CCDC141: variants seen among roughly 807,000 people sequenced by gnomAD.
The protein encoded by CCDC141 is coiled-coil domain containing 141, also known as coiled-coil domain-containing protein 141.
In CCDC141, 168 loss-of-function variants were observed where a neutral mutation model predicts 181.0. The ratio of observed to expected loss-of-function variants is 0.93; its 90% CI spans 0.82 to 1.05. CCDC141 has a LOEUF of 1.05. CCDC141 is among the 50% of genes least tolerant of loss of function. CCDC141 has a pLI of 0.00. For synonymous variants in CCDC141, 666 were observed against 642.3 expected (o/e 1.04, Z -0.56); for missense variants, 1,902 against 1,788.5 (o/e 1.06, Z -1.14).
intron 19 of CCDC141, among the ~76,000 whole-genome samples, chr2:178,854,285 G>C (rs1361333249): frequency 6.6e-6 from 1 of 152,202 alleles, no homozygotes; most frequent in Non-Finnish European, 1.5e-5. Context: ...AGCACTTTGG[G>C]AGGCCGAGGC....
chr2:178,934,821 A>G (rs1428304868), intron 6 of CCDC141, among the ~76,000 whole-genome samples: 2 of 152,182 alleles, frequency 1.3e-5, no homozygotes, highest in African/African-American at 2.4e-5. Flanking sequence ...CACATTATTT[A>G]TAGGAGCTTC....
intron 5 of CCDC141, among the ~76,000 whole-genome samples, chr2:178,945,467 A>G (rs1038275936): frequency 1.3e-5 from 2 of 152,130 alleles, no homozygotes; most frequent in Non-Finnish European, 1.5e-5. Context: ...AGATGCGGTA[A>G]CTGAGTTTTG....
At chr2:178,959,162 A>G (rs897817696) in intron 5 of CCDC141, among the ~76,000 whole-genome samples, 2 of 150,214 alleles carry the variant, frequency 1.3e-5, no homozygotes, top group Non-Finnish European at 3.0e-5. Context: ...GGAAGGGGGG[A>G]GGGATAGCAT....
At chr2:178,841,631 A>T (rs1419113299) in intron 22 of CCDC141, among the ~76,000 whole-genome samples, 1 of 152,196 alleles carries the variant, frequency 6.6e-6, no homozygotes, top group Non-Finnish European at 1.5e-5. Flanking sequence ...TTATGGAAAC[A>T]TTATTTTATT....
chr2:178,842,123 T>C (rs1251646576), intron 22 of CCDC141, among the ~76,000 whole-genome samples: 5 of 152,226 alleles, frequency 3.3e-5, no homozygotes, highest in Non-Finnish European at 5.9e-5. Context: ...AATAAATTTA[T>C]GGTTTTCAGT....
chr2:178,863,402 CTAATTT>C (rs1398638969), intron 17 of CCDC141, among the ~76,000 whole-genome samples: 1 of 152,144 alleles, frequency 6.6e-6, no homozygotes, highest in Non-Finnish European at 1.5e-5. Flanking sequence ...GGCATGTTAT[CTAATTT>C]TAATTGTTTA....
intron 2 of CCDC141, among the ~76,000 whole-genome samples, chr2:178,992,083 T>C (rs2154382502): frequency 6.6e-6 from 1 of 152,026 alleles, no homozygotes. Flanking sequence ...CCAATTTGTT[T>C]ATTTAGTTGC....
chr2:178,889,990 A>T (rs1687070742), intron 8 of CCDC141, among the ~76,000 whole-genome samples: 1 of 152,200 alleles, frequency 6.6e-6, no homozygotes, highest in African/African-American at 2.4e-5. Flanking sequence ...ACTAGGCTTT[A>T]GACTTTGAAA....
chr2:178,891,983 T>G (rs1687175575), intron 8 of CCDC141, among the ~76,000 whole-genome samples: 1 of 152,056 alleles, frequency 6.6e-6, no homozygotes, highest in Admixed American at 6.6e-5. Context: ...TCAAATCAAA[T>G]AAAATAGTCT....
chr2:179,037,459 A>G, intron 2 of CCDC141, among the ~76,000 whole-genome samples: 1 of 152,192 alleles, frequency 6.6e-6, no homozygotes, highest in East Asian at 1.9e-4. Context: ...CATTCACAAC[A>G]CACATGCTAT....
chr2:179,047,115 C>T (rs751979851), intron 2 of CCDC141, among the ~76,000 whole-genome samples, 169 bp downstream of exon 2: 4 of 152,166 alleles, frequency 2.6e-5, no homozygotes, highest in Non-Finnish European at 5.9e-5. Context: ...AATATTGTTA[C>T]TTCTCTCTGA....
chr2:178,938,343 C>A (rs925578458), intron 6 of CCDC141, among the ~76,000 whole-genome samples: 2 of 152,064 alleles, frequency 1.3e-5, no homozygotes, highest in African/African-American at 2.4e-5. Flanking sequence ...GCTTTAATTT[C>A]ACTAATTACC....
chr2:178,899,966 G>A (rs568511816), intron 8 of CCDC141, among the ~76,000 whole-genome samples: 1 of 152,252 alleles, frequency 6.6e-6, no homozygotes, highest in Non-Finnish European at 1.5e-5. Context: ...GCAACTGACA[G>A]TCTAATGCAT....
chr2:178,943,361 C>G (rs1689596048), intron 6 of CCDC141, among the ~76,000 whole-genome samples: 1 of 152,072 alleles, frequency 6.6e-6, no homozygotes, highest in African/African-American at 2.4e-5. Flanking sequence ...ATATTCAAAC[C>G]AAAGACTTTG....
chr2:178,943,337 C>A (rs1218200424), intron 6 of CCDC141, among the ~76,000 whole-genome samples: 1 of 151,966 alleles, frequency 6.6e-6, no homozygotes, highest in Non-Finnish European at 1.5e-5. Context: ...GTAAGTGCAC[C>A]TTTTATCAAT....
chr2:179,004,847 C>T (rs774964213), intron 2 of CCDC141, among the ~76,000 whole-genome samples: 20 of 152,268 alleles, frequency 1.3e-4, no homozygotes, highest in Non-Finnish European at 2.4e-4. Flanking sequence ...CCTCCTGCCT[C>T]GGCCCCACCT....
intron 5 of CCDC141, among the ~76,000 whole-genome samples, chr2:178,960,368 G>A (rs914446868): frequency 6.6e-6 from 1 of 152,128 alleles, no homozygotes; most frequent in Non-Finnish European, 1.5e-5. Context: ...GGACTCATAT[G>A]CGCTTCCAGC....
intron 2 of CCDC141, among the ~76,000 whole-genome samples, chr2:179,033,647 GTCCTGT>G (rs2043059792): frequency 6.6e-6 from 1 of 152,032 alleles, no homozygotes; most frequent in African/African-American, 2.4e-5. Context: ...TCAGAGTTTT[GTCCTGT>G]CTGTCTAAAT....
chr2:178,959,578 G>C (rs1462812729), intron 5 of CCDC141, among the ~76,000 whole-genome samples: 1 of 152,186 alleles, frequency 6.6e-6, no homozygotes, highest in East Asian at 1.9e-4. Flanking sequence ...AAAGACCTTT[G>C]CATTGGACGA....
Sources: gnomAD v4.1 joint callset for allele counts (sites outside exome capture counted in the v4.1 genomes callset) on GRCh38, gnomAD v4.1.1 for gene constraint, MANE v1.5 for transcripts, NCBI Gene and HGNC (gene_info 2026-07-23, HGNC 2026-07-21) for gene names.